Variants in LAMA5 observed in about 807,000 individuals in gnomAD.
The protein encoded by LAMA5 is laminin subunit alpha-5.
A neutral mutation model predicts 433.4 loss-of-function variants in LAMA5; 260 were observed. That is an observed-to-expected ratio of 0.60 (90% confidence interval 0.54 to 0.66). The LOEUF is 0.66. LAMA5 is among the 30% of genes least tolerant of loss of function. LAMA5 has a pLI of 0.00. For missense variants in LAMA5, 5,378 were observed against 5,258.5 expected, an observed-to-expected ratio of 1.02 and a Z score of -0.70; for synonymous variants, 2,620 against 2,226.6, an observed-to-expected ratio of 1.18 and a Z score of -4.97.
At position 62,329,161 on chromosome 20, in the gene LAMA5, G is replaced by A. The variant is rs141541500; in HGVS notation, c.4212C>T (p.Cys1404=). 143 of 1,612,746 alleles carry A rather than the reference G, an allele frequency of 8.9e-5. No homozygotes were observed. The African/African-American group carries it at 1.5e-3, about 17-fold the overall frequency. ...LDKSYDFISH[C]AAQGYHISPS... ...ACCTGATGTGGTAGCCCTGGGCTGCGCAGTGGCTGATGAAGTCATAGGATT... is the reference window on the plus strand; with the variant it reads ...ACCTGATGTGGTAGCCCTGGGCTGCACAGTGGCTGATGAAGTCATAGGATT... The change falls in exon 33 of 80, where the codon TGC becomes TGT. Residue 1404 remains cysteine (C), a synonymous_variant. Transcript: ENST00000252999.
chr20:62,354,327 TTCCCTCCCTCCC>T (rs35449507), intron 2 of LAMA5, among the ~76,000 whole-genome samples: 9 of 109,732 alleles, frequency 8.2e-5, no homozygotes, highest in East Asian at 3.0e-4. Flanking sequence ...CAGCCTGGGC[TTCCCTCCCTCCC>T]TCCCTCCCTC....
chr20:62,362,292 G>A, intron 2 of LAMA5, 108 bp downstream of exon 2: 1 of 1,147,358 alleles, frequency 8.7e-7, no homozygotes, highest in Non-Finnish European at 1.1e-6. Flanking sequence ...CCAGGCCCCA[G>A]GTCTCGCTCA....
intron 79 of LAMA5, 27 bp from the exon 80 acceptor site, chr20:62,309,502 G>T: frequency 6.4e-7 from 1 of 1,550,760 alleles, no homozygotes; most frequent in South Asian, 1.2e-5. Context: ...GATGGAAGAA[G>T]GCTGGTTGGT....
intron 55 of LAMA5, 55 bp from the exon 56 acceptor site, chr20:62,317,078 G>C: frequency 6.8e-7 from 1 of 1,480,314 alleles, no homozygotes; most frequent in Non-Finnish European, 8.9e-7. Flanking sequence ...CCTCGGCCTG[G>C]CTCTCCAGCC....
Position 62,317,701 on chromosome 20 carries a change from G to A in LAMA5, c.7317C>T (p.Ser2439=), listed in dbSNP as rs776997265. The change falls in exon 54 of 80, where the codon AGC becomes AGT. Residue 2439 remains serine, a synonymous_variant. Transcript: ENST00000252999. ...TLHAARDTLA[S]VFRLLHSLDQ... is the part of the protein sequence containing the mutation. ...CCAGGCTGTGCAGCAATCTGAAGAC[G>A]CTGGCCAGGGTGTCCCTAGCCGCAT... is the stretch of plus-strand genomic sequence containing the variant. 8.7e-6 allele frequency: 14 copies of A among 1,602,566 alleles called. No homozygotes were observed. The highest frequency in any genetic ancestry group is 2.7e-5 in the African/African-American group (2 of 74,502).
At chr20:62,356,932 C>T (rs1032696922) in intron 2 of LAMA5, among the ~76,000 whole-genome samples, 4 of 152,326 alleles carry the variant, frequency 2.6e-5, no homozygotes, top group South Asian at 2.1e-4. Context: ...ACTGGCGCTC[C>T]GAAGGCAAAG....
Position 62,323,523 on chromosome 20 carries a change from A to G in LAMA5, c.5997T>C (p.Thr1999=), listed in dbSNP as rs1271894208. 3 of 1,577,042 alleles carry G rather than the reference A, an allele frequency of 1.9e-6. No homozygotes were observed. Among genetic ancestry groups the G allele is most frequent in the African/African-American group, 1.3e-5 (1 of 74,602 alleles). Residue 1999 remains threonine, a synonymous_variant, in exon 45 of 80, where the codon ACT becomes ACC. Transcript: ENST00000252999. ...GACRGCLRHT[T]GPRCEICAPG... ...GGGCACAGATCTCGCAGCGGGGCCC[A>G]GTGGTGTGGCGCAGGCAGCCACGGC...
At position 62,352,263 on chromosome 20, in the gene LAMA5, G is replaced by A. The variant is rs769538635; in HGVS notation, c.666C>T (p.Ile222=). ...AAICTTEYSR[I]VPLENGEIVV... ...CCACCTCTCCGTTCTCCAGGGGCAC[G>A]ATGCGTGAGTACTCGGTGGTGCAGA... The change falls in exon 4 of 80, where the codon ATC becomes ATT. Residue 222 remains isoleucine, a synonymous_variant. Transcript: ENST00000252999. The A allele has an allele frequency of 1.4e-5, 22 of 1,599,450 alleles. No homozygotes were observed. The highest frequency in any genetic ancestry group is 1.6e-4 in the Middle Eastern group (1 of 6,084).
At chr20:62,322,792 C>T (rs1182999277) in intron 45 of LAMA5, 34 bp from the exon 46 acceptor site, 1 of 1,340,382 alleles carries the variant, frequency 7.5e-7, no homozygotes, top group Non-Finnish European at 9.9e-7. Context: ...AGCCCTGGGC[C>T]CTCTCACCCC....
At chr20:62,343,917 G>A (rs1982978460) in intron 11 of LAMA5, among the ~76,000 whole-genome samples, 3 of 151,834 alleles carry the variant, frequency 2.0e-5, no homozygotes, top group Admixed American at 1.3e-4. Flanking sequence ...TGCCAAGGCA[G>A]GCGGATTACC....
At position 62,324,263 on chromosome 20, in the gene LAMA5, G is replaced by A; in HGVS notation, c.5644-59C>T. On this transcript the variant is annotated intron_variant, in intron 42 of 79. Transcript: ENST00000252999. This position sits in a 1 kb window ranked among gnomAD's most constrained non-coding sequence, Gnocchi z 4.4. ...ACACCCACATCCTACTGCCGAGTCT[G>A]TGCAGCTCCCACCACCCCTGCCTCA... 1 of 1,567,396 alleles carries A rather than the reference G, an allele frequency of 6.4e-7. No homozygotes were observed. The highest frequency in any genetic ancestry group is 8.6e-7 in the Non-Finnish European group (1 of 1,163,766).
intron 20 of LAMA5, 21 bp from the exon 21 acceptor site, chr20:62,334,642 G>A: frequency 6.5e-7 from 1 of 1,536,678 alleles, no homozygotes; most frequent in Non-Finnish European, 8.8e-7. Flanking sequence ...AAGGTGGGAG[G>A]TCAGAGGCTG....
chr20:62,326,607 A>AC (rs1979331576), intron 40 of LAMA5, 70 bp downstream of exon 40: 2 of 1,268,104 alleles, frequency 1.6e-6, no homozygotes, highest in Non-Finnish European at 1.1e-6. Context: ...CAGCACTGGG[A>AC]CCCCTTCCGG....
rs763503161 is a variant in LAMA5 at position 62,312,968 on chromosome 20, G to A, written c.8998C>T (p.Leu3000=). Residue 3000 remains leucine, a synonymous_variant, in exon 66 of 80, where the codon CTG becomes TTG. Transcript: ENST00000252999. The stretch of plus-strand genomic sequence containing the variant: ...AGGCCAGCCCCAAAGTCATACAACA[G>A]CACGAGGCTGCCTTCTTGCACGGCC... The part of the protein sequence containing the change: ...CLAVQEGSLV[L]LYDFGAGLKK... 5.1e-6 allele frequency: 8 copies of A among 1,581,684 alleles called. No homozygotes were observed. Among genetic ancestry groups the A allele is most frequent in the South Asian group, 2.3e-5 (2 of 86,182 alleles).
chr20:62,336,945 C>T, intron 16 of LAMA5, 159 bp from the exon 17 acceptor site: 1 of 730,048 alleles, frequency 1.4e-6, no homozygotes, highest in South Asian at 1.5e-5. Context: ...CACCTCCCTG[C>T]TCCCTCCGCA....
intron 46 of LAMA5, 38 bp downstream of exon 46, chr20:62,322,620 G>GGGGCGCCCC: frequency 7.1e-7 from 1 of 1,399,010 alleles, no homozygotes. Context: ...TAGTCCCTAG[G>GGGGCGCCCC]CCCCACCCAC....
chr20:62,326,588 T>C (rs1979329570), intron 40 of LAMA5, 89 bp downstream of exon 40: 2 of 1,069,422 alleles, frequency 1.9e-6, no homozygotes, highest in Admixed American at 4.1e-5. Flanking sequence ...CCACGGAGAA[T>C]GGGCACAGCA....
At chr20:62,331,453 C>T (rs1294729046) in intron 28 of LAMA5, among the ~76,000 whole-genome samples, 2 of 152,120 alleles carry the variant, frequency 1.3e-5, no homozygotes, top group African/African-American at 2.4e-5. Context: ...CGCAGACCAG[C>T]GTGTTGGCCA....
Position 62,333,982 on chromosome 20 carries a change from G to T in LAMA5, c.2797C>A (p.Arg933=). The T allele has an allele frequency of 6.2e-7, 1 of 1,612,904 alleles. No individual in the cohort carries two copies. The highest frequency in any genetic ancestry group is 8.5e-7 in the Non-Finnish European group (1 of 1,179,870). Residue 933 remains arginine (R), a synonymous_variant, in exon 23 of 80, where the codon CGA becomes AGA. Coordinates refer to ENST00000252999, the MANE Select transcript of LAMA5 (RefSeq NM_005560.6). The part of the protein sequence containing the change: ...TSPDLFWLVF[R]YVNRGAMSVS... ...CTCATGGCCCCCCGGTTGACGTATC[G>T]GAAGACGAGCCAGAAAAGGTCAGGG... is the stretch of plus-strand genomic sequence containing the variant.
Sources: gnomAD v4.1 joint callset for allele counts (sites outside exome capture counted in the v4.1 genomes callset) on GRCh38, gnomAD v4.1.1 for gene constraint, Gnocchi (gnomAD v3.1) non-coding constraint, MANE v1.5 for transcripts, NCBI Gene and HGNC (gene_info 2026-07-23, HGNC 2026-07-21) for gene names.